Variants in AP1S3 observed in about 807,000 individuals in gnomAD.
AP1S3 encodes the protein adaptor related protein complex 1 subunit sigma 3, also known as AP-1 complex subunit sigma-3.
Under a neutral mutation model 20.9 loss-of-function variants are expected in AP1S3, and 10 were observed. The observed-to-expected ratio is 0.48, with a 90% CI of 0.29 to 0.81. The LOEUF (loss-of-function observed/expected upper bound fraction) is 0.81. Among genes scored for constraint, AP1S3 ranks in the 30% least tolerant of loss-of-function variants. The pLI is 0.08. For synonymous variants in AP1S3, 41 were observed against 61.5 expected (o/e 0.67, Z 1.56); for missense variants, 154 against 183.8 (o/e 0.84, Z 0.94).
chr2:223,770,486 TAGAG>T lies in AP1S3; in HGVS notation c.292-5140_292-5137del, dbSNP rs1690593656. On this transcript the variant is annotated intron_variant, in intron 3 of 4. Coordinates refer to ENST00000396654, the MANE Select transcript of AP1S3 (RefSeq NM_001039569.2). ...GGTAAGGTAAGGTGGTATTCAGAGT[TAGAG>T]AGACAATACACACACACACACACAC... Among the ~76,000 whole-genome samples, 3 of 92,644 alleles carry T rather than the reference TAGAG, an allele frequency of 3.2e-5. No individual in the cohort carries two copies. In the Admixed American group the frequency reaches 3.8e-4, roughly 12 times the overall value. 60.8% of individuals were successfully genotyped at this position (92,644 alleles called of 152,430 possible). A position where few individuals can be genotyped will look rare whatever the true frequency, so the allele number is the denominator to read the frequency against.
chr2:223,760,061 T>C (rs1204667543), intron 4 of AP1S3, among the ~76,000 whole-genome samples: 1 of 152,124 alleles, frequency 6.6e-6, no homozygotes, highest in East Asian at 1.9e-4. Context: ...CAATTACAGG[T>C]AGAGTTCAAA....
At chr2:223,804,201 C>T (rs1044119300) in intron 1 of AP1S3, among the ~76,000 whole-genome samples, 1 of 152,166 alleles carries the variant, frequency 6.6e-6, no homozygotes, top group Non-Finnish European at 1.5e-5. Flanking sequence ...TCCAGCAAGA[C>T]AGAAGCCACC....
chr2:223,765,502 G>C lies in AP1S3; in HGVS notation c.292-152C>G, dbSNP rs774285632. 61 of 760,072 alleles carry C rather than the reference G, an allele frequency of 8.0e-5. 1 individual carries two copies. The highest frequency in any genetic ancestry group is 1.1e-4 in the Non-Finnish European group (53 of 487,336). 47.1% of individuals were successfully genotyped at this position (760,072 alleles called of 1,614,324 possible). On this transcript the variant is annotated intron_variant, in intron 3 of 4. Coordinates refer to ENST00000396654, the MANE Select transcript of AP1S3 (RefSeq NM_001039569.2). ...TTTAAGGACAGAAAAAAAGAACAGGGAATGTCAGGCCTTTAATAAATGGAA... is the reference window on the plus strand; with the variant it reads ...TTTAAGGACAGAAAAAAAGAACAGGCAATGTCAGGCCTTTAATAAATGGAA...
At chr2:223,806,427 G>A (rs1281662512) in intron 1 of AP1S3, among the ~76,000 whole-genome samples, 1 of 151,816 alleles carries the variant, frequency 6.6e-6, no homozygotes, top group Non-Finnish European at 1.5e-5. Context: ...GGGACTACAG[G>A]CGCTCGCCAC....
At chr2:223,799,973 A>G (rs994050671) in intron 1 of AP1S3, among the ~76,000 whole-genome samples, 3 of 152,076 alleles carry the variant, frequency 2.0e-5, no homozygotes, top group African/African-American at 7.2e-5. Context: ...CACTTCCCGA[A>G]GTGGGGCAAG....
intron 1 of AP1S3, among the ~76,000 whole-genome samples, chr2:223,801,929 A>T (rs1691476512): frequency 6.6e-6 from 1 of 152,262 alleles, no homozygotes; most frequent in Non-Finnish European, 1.5e-5. Flanking sequence ...TATTACATTT[A>T]TCACAGAAGT....
intron 1 of AP1S3, among the ~76,000 whole-genome samples, chr2:223,806,871 T>G (rs959173541): frequency 1.6e-4 from 24 of 152,014 alleles, no homozygotes; most frequent in African/African-American, 5.8e-4. Context: ...AGAGCATAAT[T>G]TCAGGTGGTT....
intron 4 of AP1S3, among the ~76,000 whole-genome samples, chr2:223,759,027 C>A (rs76802863): frequency 0.012 from 1,771 of 152,268 alleles, 34 homozygotes; most frequent in African/African-American, 0.041. Context: ...CAGTGTGGTG[C>A]TCACGCCTGT....
At chr2:223,795,205 A>C (rs753358520) in intron 1 of AP1S3, among the ~76,000 whole-genome samples, 4 of 152,238 alleles carry the variant, frequency 2.6e-5, no homozygotes, top group Non-Finnish European at 4.4e-5. Flanking sequence ...GCCGAGATTG[A>C]GGCACTGCAC....
chr2:223,767,269 C>T (rs114660057), intron 3 of AP1S3, among the ~76,000 whole-genome samples: 33 of 152,266 alleles, frequency 2.2e-4, no homozygotes, highest in African/African-American at 7.5e-4. Context: ...GTACTCTTCA[C>T]CAATCTCTCT....
In AP1S3 at chr2:223,782,302, T is replaced by G. The variant is rs545239840; in HGVS notation, c.4-4433A>C. 5.5e-4 allele frequency among the ~76,000 whole-genome samples: 84 copies of G among 152,324 alleles called. 1 individual carries two copies. Among genetic ancestry groups the G allele is most frequent in the African/African-American group, 1.8e-3 (74 of 41,586 alleles). On this transcript the variant is annotated intron_variant, in intron 1 of 4. Transcript: ENST00000396654. The stretch of plus-strand genomic sequence containing the variant: ...TGCTGGGATTACAGGTGTAAGCCAC[T>G]GTGCCTGGCCGCCTTTAAGTCTTCT...
At chr2:223,781,962 A>G (rs73991858) in intron 1 of AP1S3, among the ~76,000 whole-genome samples, 2,103 of 151,482 alleles carry the variant, frequency 0.014, 31 homozygotes, top group African/African-American at 0.045. Context: ...TGTATCAAGT[A>G]TCTTTGGAAG....
intron 1 of AP1S3, among the ~76,000 whole-genome samples, chr2:223,795,162 T>C (rs910934237): frequency 1.3e-5 from 2 of 152,198 alleles, no homozygotes; most frequent in African/African-American, 4.8e-5. Flanking sequence ...GGCAGGAGAA[T>C]TGCTTGAACC....
intron 1 of AP1S3, among the ~76,000 whole-genome samples, chr2:223,795,641 GA>G (rs1691319640): frequency 6.6e-6 from 1 of 152,206 alleles, no homozygotes; most frequent in African/African-American, 2.4e-5. Context: ...TGTTAAGTGG[GA>G]AAACTTTGGT....
At chr2:223,801,990 C>A (rs1691477817) in intron 1 of AP1S3, among the ~76,000 whole-genome samples, 1 of 152,182 alleles carries the variant, frequency 6.6e-6, no homozygotes, top group South Asian at 2.1e-4. Flanking sequence ...GAACTGTCAA[C>A]ATTTTGCAAA....
rs1381296360 is a variant in AP1S3 at position 223,755,645 on chromosome 2, C to T, written c.*3070G>A. 2.0e-5 allele frequency among the ~76,000 whole-genome samples: 3 copies of T among 151,470 alleles called. No homozygotes were observed. The highest frequency in any genetic ancestry group is 2.9e-5 in the Non-Finnish European group (2 of 67,968). On this transcript the variant is annotated 3_prime_UTR_variant, in exon 5 of 5. Transcript: ENST00000396654. ...TCCCGGGTTCAAGCGATTCTCCTGCCTCAGCCTCCTGAGTAGCTGGCACTA... is the reference window on the plus strand; with the variant it reads ...TCCCGGGTTCAAGCGATTCTCCTGCTTCAGCCTCCTGAGTAGCTGGCACTA...
At chr2:223,804,621 G>A (rs1217328278) in intron 1 of AP1S3, among the ~76,000 whole-genome samples, 1 of 151,996 alleles carries the variant, frequency 6.6e-6, no homozygotes, top group African/African-American at 2.4e-5. Context: ...GCAGGAGGAT[G>A]GCTTGATTTT....
At chr2:223,819,969 G>A (rs988156300) in intron 1 of AP1S3, among the ~76,000 whole-genome samples, 7 of 142,860 alleles carry the variant, frequency 4.9e-5, no homozygotes, top group East Asian at 1.9e-4. Flanking sequence ...GCTAGATTTC[G>A]TGTGGCCTTT....
intron 3 of AP1S3, chr2:223,773,290 G>A (rs976855748): frequency 3.1e-6 from 4 of 1,302,176 alleles, no homozygotes; most frequent in Non-Finnish European, 4.0e-6. Context: ...GAAAGAGAAG[G>A]CAGGTTACGG....
Sources: gnomAD v4.1 joint callset for allele counts (sites outside exome capture counted in the v4.1 genomes callset) on GRCh38, gnomAD v4.1.1 for gene constraint, MANE v1.5 for transcripts, NCBI Gene and HGNC (gene_info 2026-07-23, HGNC 2026-07-21) for gene names.